SETBP1: variants seen among roughly 807,000 people sequenced by gnomAD.
SETBP1 encodes SET-binding protein.
Under a neutral mutation model 101.0 loss-of-function variants are expected in SETBP1, and 9 were observed. That is an observed-to-expected ratio of 0.09 (90% CI 0.05 to 0.16). The LOEUF is 0.16. SETBP1 is among the 10% of genes least tolerant of loss of function. The pLI, the probability that SETBP1 is intolerant of heterozygous loss-of-function variation, is 1.00. For missense variants in SETBP1, 1,858 were observed against 2,033.8 expected (o/e 0.91, Z 1.66); for synonymous variants, 818 against 788.5 (o/e 1.04, Z -0.63).
At chr18:44,862,879 G>A (rs182836436) in intron 2 of SETBP1, among the ~76,000 whole-genome samples, 16 of 152,268 alleles carry the variant, frequency 1.1e-4, no homozygotes, top group African/African-American at 3.4e-4. Flanking sequence ...GGGCCAAAGG[G>A]AAAATGACAT....
chr18:44,863,561 T>G (rs913670950), intron 2 of SETBP1, among the ~76,000 whole-genome samples: 6 of 152,090 alleles, frequency 3.9e-5, no homozygotes, highest in Admixed American at 1.3e-4. Context: ...AGAGCCAAAG[T>G]AAGAAGTGAG....
At chr18:45,020,356 C>T (rs2073034781) in intron 4 of SETBP1, among the ~76,000 whole-genome samples, 1 of 149,896 alleles carries the variant, frequency 6.7e-6, no homozygotes, top group Non-Finnish European at 1.5e-5. Context: ...TACTATGAGG[C>T]ACCCACACTT....
chr18:44,891,761 G>C lies in SETBP1; in HGVS notation c.540+22478G>C, dbSNP rs535807946. On this transcript the variant is annotated intron_variant, in intron 3 of 5. Coordinates refer to ENST00000649279, the MANE Select transcript of SETBP1 (RefSeq NM_015559.3). The stretch of plus-strand genomic sequence containing the variant: ...TCCGTCTTTATCTGACCAATTCAGA[G>C]TCCTGCTTCACAAATGCCAAACCAT... Among the ~76,000 whole-genome samples the C allele has an allele frequency of 3.3e-5, 5 of 152,256 alleles. No individual in the cohort carries two copies. The South Asian group carries it at 1.0e-3, about 32-fold the overall frequency.
At chr18:44,757,860 C>T (rs926573868) in intron 2 of SETBP1, among the ~76,000 whole-genome samples, 2 of 133,078 alleles carry the variant, frequency 1.5e-5, no homozygotes, top group Admixed American at 7.5e-5. Flanking sequence ...TAATTTGTTG[C>T]TAAACCTATC....
In SETBP1 at chr18:45,029,585, C is replaced by G. The variant is rs1460116523; in HGVS notation, c.4001-8900C>G. ...TAGCTTGATGGGGATGGCATTGAAT[C>G]TATAAATTACCTTGGGCAGTATGGC... is the stretch of plus-strand genomic sequence containing the variant. On this transcript the variant is annotated intron_variant, in intron 4 of 5. Coordinates refer to ENST00000649279, the MANE Select transcript of SETBP1 (RefSeq NM_015559.3). Among the ~76,000 whole-genome samples the G allele has an allele frequency of 2.0e-5, 3 of 152,262 alleles. No homozygotes were observed. In the East Asian group the frequency reaches 5.8e-4, roughly 29 times the overall value.
chr18:44,941,076 ACTT>A (rs1568228568), intron 3 of SETBP1, among the ~76,000 whole-genome samples: 3 of 124,938 alleles, frequency 2.4e-5, no homozygotes, highest in African/African-American at 8.8e-5. Flanking sequence ...GAGAAGTCAG[ACTT>A]TTTTTTTTTT....
chr18:44,972,354 T>C (rs1004587148), intron 4 of SETBP1, among the ~76,000 whole-genome samples: 1 of 152,202 alleles, frequency 6.6e-6, no homozygotes, highest in Admixed American at 6.5e-5. Flanking sequence ...GACTTGGCGA[T>C]GCGGGCTCTT....
At chr18:44,995,518 T>G (rs147091677) in intron 4 of SETBP1, among the ~76,000 whole-genome samples, 1 of 148,030 alleles carries the variant, frequency 6.8e-6, no homozygotes, top group African/African-American at 2.5e-5. Context: ...AAAATGTACA[T>G]GTCCAGGCTT....
intron 4 of SETBP1, among the ~76,000 whole-genome samples, 158 bp from the exon 5 acceptor site, chr18:45,038,327 A>AT (rs2073440298): frequency 6.6e-6 from 1 of 152,128 alleles, no homozygotes; most frequent in African/African-American, 2.4e-5. Context: ...AGTCATAGCT[A>AT]TTTTTTCTCT....
At chr18:45,056,825 C>T (rs1482482760) in intron 5 of SETBP1, among the ~76,000 whole-genome samples, 1 of 152,198 alleles carries the variant, frequency 6.6e-6, no homozygotes, top group Non-Finnish European at 1.5e-5. Context: ...CCAGTCTGCC[C>T]ACCTCTCCTA....
At chr18:44,749,709 A>C (rs780150099) in intron 2 of SETBP1, among the ~76,000 whole-genome samples, 27 of 152,246 alleles carry the variant, frequency 1.8e-4, no homozygotes, top group Non-Finnish European at 3.1e-4. Context: ...AAGATATCAT[A>C]AACTACAAGA....
At chr18:44,824,696 C>CT (rs1241714899) in intron 2 of SETBP1, among the ~76,000 whole-genome samples, 11 of 152,114 alleles carry the variant, frequency 7.2e-5, no homozygotes, top group Admixed American at 6.5e-4. Flanking sequence ...GCTGTCTCCT[C>CT]TTTTTCTTTT....
At chr18:44,715,476 A>T (rs1478806607) in intron 2 of SETBP1, among the ~76,000 whole-genome samples, 1 of 152,150 alleles carries the variant, frequency 6.6e-6, no homozygotes, top group Admixed American at 6.5e-5. Context: ...ATAAGATTCC[A>T]TGAGCGCTGA....
chr18:44,959,834 C>G (rs115695772), intron 4 of SETBP1, among the ~76,000 whole-genome samples: 276 of 152,162 alleles, frequency 1.8e-3, no homozygotes, highest in African/African-American at 6.3e-3. Context: ...GGAAGCATGA[C>G]CTAGAACAGG....
At chr18:44,786,604 A>G (rs1356672672) in intron 2 of SETBP1, among the ~76,000 whole-genome samples, 2 of 152,228 alleles carry the variant, frequency 1.3e-5, no homozygotes, top group Non-Finnish European at 2.9e-5. Context: ...GATTCCATGT[A>G]GGACTATGGG....
chr18:45,038,507 A>G lies in SETBP1; in HGVS notation c.4023A>G (p.Lys1341=). 1 of 1,614,152 alleles carries G rather than the reference A, an allele frequency of 6.2e-7. No individual in the cohort carries two copies. The part of the protein sequence containing the change: ...MSPGMPSPHL[K]VDQTAVHSKN... ...TAGGGATGCCAAGTCCCCACTTAAAAGTGGACCAGACAGCAGTGCATAGTA... is the reference window on the plus strand; with the variant it reads ...TAGGGATGCCAAGTCCCCACTTAAAGGTGGACCAGACAGCAGTGCATAGTA... The change falls in exon 5 of 6, where the codon AAA becomes AAG. Residue 1341 remains lysine, a synonymous_variant. Coordinates refer to ENST00000649279, the MANE Select transcript of SETBP1 (RefSeq NM_015559.3).
intron 2 of SETBP1, among the ~76,000 whole-genome samples, chr18:44,767,985 A>G (rs1173454332): frequency 1.3e-5 from 2 of 152,218 alleles, no homozygotes; most frequent in Non-Finnish European, 2.9e-5. Context: ...CCTCTATCAC[A>G]TTACTTGTTC....
intron 2 of SETBP1, among the ~76,000 whole-genome samples, chr18:44,780,528 G>A (rs547704121): frequency 2.0e-5 from 3 of 152,256 alleles, no homozygotes; most frequent in South Asian, 2.1e-4. Flanking sequence ...TCAAGTTCAC[G>A]CTGGAACTTT....
At chr18:44,686,392 C>T (rs181353314) in intron 1 of SETBP1, among the ~76,000 whole-genome samples, 137 of 152,326 alleles carry the variant, frequency 9.0e-4, no homozygotes, top group African/African-American at 3.2e-3. Flanking sequence ...CCTCAGCTGT[C>T]TCTGTGTTGT....
Sources: allele counts gnomAD v4.1 joint callset (sites outside exome capture counted in the v4.1 genomes callset), GRCh38; gene constraint gnomAD v4.1.1; transcripts MANE v1.5; gene names NCBI Gene and HGNC (gene_info 2026-07-23, HGNC 2026-07-21).